Variants in CSNK2A2IP observed in about 807,000 individuals in gnomAD.
The protein encoded by CSNK2A2IP is casein kinase II subunit alpha'-interacting protein.
the CSNK2A2IP span, among the ~76,000 whole-genome samples, chr3:88,452,779 G>A: frequency 6.6e-6 from 1 of 151,956 alleles, no homozygotes; most frequent in Admixed American, 6.6e-5. Context: ...GAATAAAAAA[G>A]GCACATAGCT....
the CSNK2A2IP span, among the ~76,000 whole-genome samples, chr3:88,351,197 T>C: frequency 5.3e-5 from 8 of 152,116 alleles, no homozygotes; most frequent in Non-Finnish European, 7.4e-5. Context: ...ATATAATAAA[T>C]ACATAATTTT....
the CSNK2A2IP span, among the ~76,000 whole-genome samples, chr3:88,358,190 T>C: frequency 6.6e-6 from 1 of 152,226 alleles, no homozygotes; most frequent in African/African-American, 2.4e-5. Context: ...TGACTTTGTA[T>C]CTTTGAACTT....
chr3:88,396,597 G>GT, the CSNK2A2IP span, among the ~76,000 whole-genome samples: 1 of 152,186 alleles, frequency 6.6e-6, no homozygotes, highest in Non-Finnish European at 1.5e-5. Flanking sequence ...AGGAAACACA[G>GT]TGAGGTTATG....
the CSNK2A2IP span, among the ~76,000 whole-genome samples, chr3:88,358,948 G>A: frequency 8.7e-3 from 1,306 of 150,314 alleles, 10 homozygotes; most frequent in Middle Eastern, 0.031. Context: ...CAGCAGTGAG[G>A]CTATCGGCTC....
chr3:88,430,724 G>A, the CSNK2A2IP span, among the ~76,000 whole-genome samples: 2 of 152,008 alleles, frequency 1.3e-5, no homozygotes, highest in Non-Finnish European at 2.9e-5. Flanking sequence ...TCAATCTAAT[G>A]CAAAGGAACA....
At chr3:88,410,079 CA>C in the CSNK2A2IP span, among the ~76,000 whole-genome samples, 1 of 151,860 alleles carries the variant, frequency 6.6e-6, no homozygotes, top group Admixed American at 6.6e-5. Flanking sequence ...CTGAAGTCTT[CA>C]ATAGAAAGAT....
At chr3:88,442,459 AAT>A in the CSNK2A2IP span, among the ~76,000 whole-genome samples, 2 of 152,204 alleles carry the variant, frequency 1.3e-5, no homozygotes, top group African/African-American at 4.8e-5. Context: ...AAATAGACTG[AAT>A]AGAGTTATGA....
chr3:88,342,741 T>C, the CSNK2A2IP span, among the ~76,000 whole-genome samples: 1 of 151,608 alleles, frequency 6.6e-6, no homozygotes, highest in Non-Finnish European at 1.5e-5. Flanking sequence ...CAAAACTGTA[T>C]ATACATGACT....
chr3:88,438,688 T>A, the CSNK2A2IP span, among the ~76,000 whole-genome samples: 1 of 152,176 alleles, frequency 6.6e-6, no homozygotes, highest in Non-Finnish European at 1.5e-5. Context: ...TCCAATCACA[T>A]TTCCACACAC....
chr3:88,392,067 T>C, the CSNK2A2IP span, among the ~76,000 whole-genome samples: 88 of 152,232 alleles, frequency 5.8e-4, no homozygotes, highest in East Asian at 0.014. Context: ...TTGTAGTTAG[T>C]TGGATGTGAG....
chr3:88,432,681 CTAATT>C, the CSNK2A2IP span, among the ~76,000 whole-genome samples: 3 of 150,790 alleles, frequency 2.0e-5, no homozygotes, highest in African/African-American at 7.3e-5. Context: ...TACATACAAA[CTAATT>C]TAGGAATAAA....
the CSNK2A2IP span, among the ~76,000 whole-genome samples, chr3:88,412,229 T>C: frequency 6.6e-6 from 1 of 151,984 alleles, no homozygotes; most frequent in African/African-American, 2.4e-5. Flanking sequence ...CTTTGTGGGT[T>C]TCTATGTGTA....
chr3:88,409,430 G>T, the CSNK2A2IP span, among the ~76,000 whole-genome samples: 2 of 152,084 alleles, frequency 1.3e-5, no homozygotes, highest in African/African-American at 4.8e-5. Flanking sequence ...AGCATTCCCT[G>T]TTAAACCAGC....
chr3:88,357,263 C>G, the CSNK2A2IP span, among the ~76,000 whole-genome samples: 1 of 152,026 alleles, frequency 6.6e-6, no homozygotes, highest in Admixed American at 6.6e-5. Context: ...AGTATTTAAT[C>G]CATTTCATTT....
At chr3:88,454,398 G>T in the CSNK2A2IP span, among the ~76,000 whole-genome samples, 1 of 151,668 alleles carries the variant, frequency 6.6e-6, no homozygotes, top group African/African-American at 2.4e-5. Context: ...AGTGTCTTAT[G>T]AAGAGAAGAA....
the CSNK2A2IP span, among the ~76,000 whole-genome samples, chr3:88,363,605 G>A: frequency 1.3e-5 from 2 of 152,106 alleles, no homozygotes; most frequent in Admixed American, 6.5e-5. Flanking sequence ...TTGATGGGAT[G>A]TCATGCATCA....
the CSNK2A2IP span, among the ~76,000 whole-genome samples, chr3:88,384,126 G>A: frequency 1.3e-5 from 2 of 152,090 alleles, no homozygotes; most frequent in African/African-American, 4.8e-5. Flanking sequence ...ACTTTGGATA[G>A]GGTATACTAT....
At chr3:88,466,730 G>A in the CSNK2A2IP span, 1 of 986,080 alleles carries the variant, frequency 1.0e-6, no homozygotes, top group African/African-American at 1.7e-5. Flanking sequence ...AGAAGGATGA[G>A]GGGAAGGCCA....
the CSNK2A2IP span, among the ~76,000 whole-genome samples, chr3:88,368,857 T>G: frequency 6.6e-6 from 1 of 152,032 alleles, no homozygotes; most frequent in South Asian, 2.1e-4. Context: ...GCAAGAAAGT[T>G]GATTCCAGAA....
Sources: gnomAD v4.1 joint callset for allele counts (sites outside exome capture counted in the v4.1 genomes callset) on GRCh38, gnomAD v4.1.1 for gene constraint, MANE v1.5 for transcripts, NCBI Gene and HGNC (gene_info 2026-07-23, HGNC 2026-07-21) for gene names.